The following NTRK2 variants were observed in gnomAD, a reference collection of about 807,000 sequenced individuals.
The protein encoded by NTRK2 is neurotrophic receptor tyrosine kinase 2.
In NTRK2, 13 loss-of-function variants were observed where a neutral mutation model predicts 94.5. That is an observed-to-expected ratio of 0.14 (90% CI 0.09 to 0.22). The LOEUF (loss-of-function observed/expected upper bound fraction) is 0.22. Ranked by LOEUF, NTRK2 falls within the 10% of genes least tolerant of loss-of-function variation. NTRK2 has a pLI of 1.00. For synonymous variants in NTRK2, 372 were observed against 407.4 expected (o/e 0.91, Z 1.05); for missense variants, 639 against 1,071.2 (o/e 0.60, Z 5.63).
rs1236954676 is a variant in NTRK2, at chr9:85,016,744, A to C, written c.2173-3462A>C. On this transcript the variant is annotated intron_variant, in intron 17 of 18. Transcript: ENST00000277120. ...AAAAGAAATGTTCAGAAATGTACTA[A>C]ATGGGCTTAGAAAACTTGTGAACCC... Among the ~76,000 whole-genome samples, 3 of 152,116 alleles carry C rather than the reference A, an allele frequency of 2.0e-5. No individual in the cohort carries two copies. In the East Asian group the frequency reaches 5.8e-4, roughly 29 times the overall value.
Position 84,831,478 on chromosome 9 carries a change from G to A in NTRK2, c.1397-29562G>A, listed in dbSNP as rs575380224. Reference sequence around the variant, plus strand: ...GAAAAAATTCTAGTTTTCTATGCCCGTGGTACATTGGTGGTCAGTTACCCA... The same window carrying A: ...GAAAAAATTCTAGTTTTCTATGCCCATGGTACATTGGTGGTCAGTTACCCA... On this transcript the variant is annotated intron_variant, in intron 12 of 18. Transcript: ENST00000277120. Among the ~76,000 whole-genome samples, 373 of 152,256 alleles carry A rather than the reference G, an allele frequency of 2.4e-3. 10 individuals carry two copies. Among genetic ancestry groups the A allele is most frequent in the Non-Finnish European group, 2.7e-3 (185 of 68,018 alleles).
At chr9:84,790,297 G>A (rs1662695) in intron 12 of NTRK2, among the ~76,000 whole-genome samples, 138,145 of 152,256 alleles carry the variant, frequency 0.91, 62,830 homozygotes, top group African/African-American at 0.98. Flanking sequence ...AAGATTATCT[G>A]TCTCTCCAAG....
At position 84,948,571 on chromosome 9, in the gene NTRK2, A is replaced by G. The variant is rs2132885089; in HGVS notation, c.1874A>G (p.Glu625Gly). The change falls in exon 16 of 19, where the codon GAG (glutamate) becomes GGG (glycine). Residue 625 changes from glutamate to glycine, a missense_variant. Physicochemically the swap from Glu to Gly is moderately conservative, Grantham distance 98. This residue lies in a region of NTRK2 where 343 missense variants were observed against 571.5 expected (regional missense o/e 0.60). Transcript: ENST00000277120. ...GTCAAGTTCTATGGCGTCTGCGTGG[A>G]GGGCGACCCCCTCATCATGGTCTTT... The part of the protein sequence containing the change: ...HIVKFYGVCV[E>G]GDPLIMVFEY... The G allele has an allele frequency of 6.2e-7, 1 of 1,614,042 alleles. No homozygotes were observed. The highest frequency in any genetic ancestry group is 8.5e-7 in the Non-Finnish European group (1 of 1,180,018).
chr9:84,865,172 C>T (rs1475483508), intron 13 of NTRK2, among the ~76,000 whole-genome samples: 3 of 152,150 alleles, frequency 2.0e-5, no homozygotes, highest in African/African-American at 7.2e-5. Flanking sequence ...AGGATTTCTG[C>T]TGTATCCTAA....
chr9:84,985,331 C>A (rs184320877), intron 17 of NTRK2, among the ~76,000 whole-genome samples: 165 of 152,226 alleles, frequency 1.1e-3, no homozygotes, highest in African/African-American at 3.8e-3. Context: ...ATTTATTGAG[C>A]CTTACTAAGG....
At chr9:84,927,374 T>C (rs2077858360) in intron 14 of NTRK2, among the ~76,000 whole-genome samples, 1 of 152,196 alleles carries the variant, frequency 6.6e-6, no homozygotes, top group South Asian at 2.1e-4. Context: ...AGCAAAGATG[T>C]AAGTAAATGG....
intron 17 of NTRK2, among the ~76,000 whole-genome samples, chr9:85,018,258 G>A (rs927134054): frequency 2.6e-5 from 4 of 152,188 alleles, no homozygotes; most frequent in Non-Finnish European, 4.4e-5. Context: ...GACACCAGAC[G>A]TGTATAGATG....
At chr9:84,898,559 G>C (rs1344793072) in intron 14 of NTRK2, among the ~76,000 whole-genome samples, 1 of 147,744 alleles carries the variant, frequency 6.8e-6, no homozygotes, top group African/African-American at 2.5e-5. Context: ...TATTATTCCT[G>C]TCATGACTCC....
At chr9:84,807,419 A>G (rs1020123049) in intron 12 of NTRK2, among the ~76,000 whole-genome samples, 1 of 152,158 alleles carries the variant, frequency 6.6e-6, no homozygotes, top group African/African-American at 2.4e-5. Context: ...TCAACTTTAC[A>G]TCCCATTTCT....
chr9:84,903,694 T>TTTCCTTCC (rs370127045), intron 14 of NTRK2, among the ~76,000 whole-genome samples: 1 of 151,934 alleles, frequency 6.6e-6, no homozygotes, highest in South Asian at 2.1e-4. Flanking sequence ...TCTTTTCTTT[T>TTTCCTTCC]TTCCTTCCTT....
chr9:84,692,159 T>C (rs1467077159), intron 2 of NTRK2, among the ~76,000 whole-genome samples: 1 of 152,174 alleles, frequency 6.6e-6, no homozygotes, highest in Non-Finnish European at 1.5e-5. Context: ...CGTGGATTAC[T>C]GTGACCTATG....
intron 9 of NTRK2, among the ~76,000 whole-genome samples, chr9:84,735,055 C>G (rs1043030119): frequency 6.6e-6 from 1 of 152,040 alleles, no homozygotes; most frequent in Non-Finnish European, 1.5e-5. Context: ...GATACCCTGA[C>G]TCCAATATTT....
chr9:84,865,191 A>G (rs1207663894), intron 13 of NTRK2, among the ~76,000 whole-genome samples: 1 of 152,154 alleles, frequency 6.6e-6, no homozygotes, highest in African/African-American at 2.4e-5. Flanking sequence ...AATGCAGGTG[A>G]ACTAGGCACA....
rs2117925042 is a variant in NTRK2 at position 85,020,190 on chromosome 9, A to G, written c.2173-16A>G. On this transcript the variant is annotated splice_polypyrimidine_tract_variant and intron_variant, in intron 17 of 18. Coordinates refer to ENST00000277120, the MANE Select transcript of NTRK2 (RefSeq NM_006180.6). ...CGGGGTGACTGATGCCTCCCTGTTGATCCCTTTCTCCCCAGGTCGGTGGCC... is the reference window on the plus strand; with the variant it reads ...CGGGGTGACTGATGCCTCCCTGTTGGTCCCTTTCTCCCCAGGTCGGTGGCC... The G allele has an allele frequency of 6.2e-7, 1 of 1,613,862 alleles. No homozygotes were observed. Among genetic ancestry groups the G allele is most frequent in the South Asian group, 1.1e-5 (1 of 91,058 alleles).
rs186967542 is a variant in NTRK2, at chr9:84,768,028, G to A, written c.1396+15943G>A. On this transcript the variant is annotated intron_variant, in intron 12 of 18. Coordinates refer to ENST00000277120, the MANE Select transcript of NTRK2 (RefSeq NM_006180.6). ...ATGGAAACCTAAGAATGGAAAATAA[G>A]GGCTATAGTCTTGGATAATCCCATT... is the stretch of plus-strand genomic sequence containing the variant. 4.1e-3 allele frequency among the ~76,000 whole-genome samples: 631 copies of A among 152,296 alleles called. 5 individuals carry two copies. Among genetic ancestry groups the A allele is most frequent in the Middle Eastern group, 0.01 (3 of 294 alleles).
At chr9:84,705,577 C>G (rs972527098) in intron 4 of NTRK2, among the ~76,000 whole-genome samples, 1 of 152,172 alleles carries the variant, frequency 6.6e-6, no homozygotes, top group African/African-American at 2.4e-5. Flanking sequence ...TACCAGCAGA[C>G]AGGGAGACCC....
At chr9:84,829,795 C>T (rs1023031560) in intron 12 of NTRK2, among the ~76,000 whole-genome samples, 2 of 152,210 alleles carry the variant, frequency 1.3e-5, no homozygotes, top group African/African-American at 4.8e-5. Context: ...ATTTAATCCT[C>T]TGCACTAAAC....
intron 12 of NTRK2, among the ~76,000 whole-genome samples, chr9:84,797,605 TA>T (rs1330220008): frequency 1.2e-5 from 1 of 83,382 alleles, no homozygotes; most frequent in East Asian, 3.1e-4. Context: ...CTATATATTA[TA>T]TATAATATAT....
intron 2 of NTRK2, among the ~76,000 whole-genome samples, chr9:84,696,521 G>C (rs1416128641): frequency 6.6e-6 from 1 of 152,136 alleles, no homozygotes; most frequent in Non-Finnish European, 1.5e-5. Context: ...GATCAGTTTG[G>C]GTGCCCTAAG....
Sources: allele counts gnomAD v4.1 joint callset (sites outside exome capture counted in the v4.1 genomes callset), GRCh38; gene constraint gnomAD v4.1.1; regional missense constraint gnomAD v4.1.1; transcripts MANE v1.5; gene names NCBI Gene and HGNC (gene_info 2026-07-23, HGNC 2026-07-21).